Variants in ASH1L observed in about 807,000 individuals in gnomAD.
The protein encoded by ASH1L is histone-lysine N-methyltransferase ASH1L.
In ASH1L, 23 loss-of-function variants were observed where a neutral mutation model predicts 269.0. That is an observed-to-expected ratio of 0.09 (90% CI 0.06 to 0.12). The LOEUF (loss-of-function observed/expected upper bound fraction) is 0.12. Among genes scored for constraint, ASH1L ranks in the 10% least tolerant of loss-of-function variants. The pLI, the probability that ASH1L is intolerant of heterozygous loss-of-function variation, is 1.00. For missense variants in ASH1L, 2,912 were observed against 3,567.8 expected, an observed-to-expected ratio of 0.82 and a Z score of 4.68; for synonymous variants, 1,187 against 1,253.5, an observed-to-expected ratio of 0.95 and a Z score of 1.12.
At chr1:155,444,135 C>T (rs531534255) in intron 4 of ASH1L, among the ~76,000 whole-genome samples, 10 of 151,992 alleles carry the variant, frequency 6.6e-5, no homozygotes, top group Non-Finnish European at 1.5e-4. Flanking sequence ...AGGCACCTGC[C>T]ACCATGCCTG....
rs571212566 is a variant in ASH1L, at chr1:155,447,622, T to C, written c.5087-8554A>G. On this transcript the variant is annotated intron_variant, in intron 4 of 27. Transcript: ENST00000392403. ...TGATTTGCATTCCTCTGATAATCAATGATGTTGAATACCTATGCCTGTTGC... is the reference window on the plus strand; with the variant it reads ...TGATTTGCATTCCTCTGATAATCAACGATGTTGAATACCTATGCCTGTTGC... Among the ~76,000 whole-genome samples the C allele has an allele frequency of 1.5e-3, 231 of 152,372 alleles. 2 individuals carry two copies. The highest frequency in any genetic ancestry group is 2.2e-3 in the Non-Finnish European group (153 of 68,040).
intron 4 of ASH1L, among the ~76,000 whole-genome samples, chr1:155,456,836 CAT>C (rs1270507411): frequency 6.6e-6 from 1 of 152,164 alleles, no homozygotes; most frequent in East Asian, 1.9e-4. Context: ...TTAACATACA[CAT>C]ATGATAGACT....
intron 2 of ASH1L, among the ~76,000 whole-genome samples, chr1:155,499,929 A>G (rs1226847868): frequency 6.6e-6 from 1 of 152,190 alleles, no homozygotes; most frequent in Non-Finnish European, 1.5e-5. Flanking sequence ...AAACCACAAT[A>G]CAGACTCCAG....
chr1:155,460,021 G>A (rs559800106), intron 3 of ASH1L, 123 bp from the exon 4 acceptor site: 1 of 666,984 alleles, frequency 1.5e-6, no homozygotes, highest in South Asian at 2.0e-5. Flanking sequence ...GTAATAACAT[G>A]ACTTGTAACC....
Position 155,562,124 on chromosome 1 carries a change from C to T in ASH1L, c.-100+29G>A, listed in dbSNP as rs754884991. The T allele has an allele frequency of 9.8e-6, 14 of 1,428,228 alleles. No homozygotes were observed. The East Asian group carries it at 2.8e-4, about 28-fold the overall frequency. 88.5% of individuals were successfully genotyped at this position (1,428,228 alleles called of 1,614,324 possible). A position where few individuals can be genotyped will look rare whatever the true frequency, so the allele number is the denominator to read the frequency against. On this transcript the variant is annotated intron_variant, in intron 1 of 27. Transcript: ENST00000392403. ...CAATCGCTGAGAGAGTGCTTAGGCC[C>T]GAATGCCGGCCCAAATCGTTCTACT...
rs1033970237 is a variant in ASH1L at position 155,504,746 on chromosome 1, C to G, written c.420+16354G>C. On this transcript the variant is annotated intron_variant, in intron 2 of 27. Coordinates refer to ENST00000392403, the MANE Select transcript of ASH1L (RefSeq NM_018489.3). Reference sequence around the variant, plus strand: ...GCACACAACTGTAATCCCAGCTACTCGGGAGGCTGAGGCAGGATAATCTCT... The same window carrying G: ...GCACACAACTGTAATCCCAGCTACTGGGGAGGCTGAGGCAGGATAATCTCT... 7.3e-5 allele frequency among the ~76,000 whole-genome samples: 11 copies of G among 151,162 alleles called. No individual in the cohort carries two copies. In the South Asian group the frequency reaches 2.1e-3, roughly 29 times the overall value.
At chr1:155,404,088 C>T (rs369962586) in intron 6 of ASH1L, among the ~76,000 whole-genome samples, 10 of 150,682 alleles carry the variant, frequency 6.6e-5, no homozygotes, top group African/African-American at 2.2e-4. Context: ...GCAACCTGGG[C>T]ACGGTGGCTC....
intron 1 of ASH1L, among the ~76,000 whole-genome samples, chr1:155,547,126 T>C (rs949616193): frequency 1.3e-5 from 2 of 151,360 alleles, no homozygotes; most frequent in Non-Finnish European, 2.9e-5. Context: ...CTAATTTTTG[T>C]ATTTTTAGTA....
chr1:155,562,095 G>A (rs1199510881), intron 1 of ASH1L, 58 bp downstream of exon 1: 3 of 1,158,562 alleles, frequency 2.6e-6, no homozygotes, highest in Non-Finnish European at 2.5e-6. Context: ...GAAAGCCCAG[G>A]ATTCAATCGC....
intron 1 of ASH1L, among the ~76,000 whole-genome samples, chr1:155,547,615 C>T (rs1399947722): frequency 6.6e-6 from 1 of 151,760 alleles, no homozygotes; most frequent in African/African-American, 2.4e-5. Flanking sequence ...CCTGGCTACT[C>T]GGGAAGCTGA....
chr1:155,501,488 AT>A (rs1667497161), intron 2 of ASH1L, among the ~76,000 whole-genome samples: 1 of 152,056 alleles, frequency 6.6e-6, no homozygotes, highest in South Asian at 2.1e-4. Context: ...ATCGTACTCC[AT>A]CCCTCCAAGT....
chr1:155,526,246 C>T (rs1016000904), intron 1 of ASH1L, among the ~76,000 whole-genome samples: 3 of 152,128 alleles, frequency 2.0e-5, no homozygotes, highest in African/African-American at 7.2e-5. Context: ...TTTAAGGTTC[C>T]TGTAACTTCT....
intron 1 of ASH1L, among the ~76,000 whole-genome samples, chr1:155,552,914 G>A (rs1671313144): frequency 1.3e-5 from 2 of 152,086 alleles, no homozygotes; most frequent in South Asian, 4.1e-4. Context: ...TTATTTGCTT[G>A]CTGCATGGCA....
chr1:155,356,621 C>T (rs1397469070), intron 15 of ASH1L, among the ~76,000 whole-genome samples: 13 of 146,024 alleles, frequency 8.9e-5, no homozygotes, highest in African/African-American at 2.3e-4. Flanking sequence ...CCAGCCTGGG[C>T]GACACAGCGA....
chr1:155,481,233 G>A lies in ASH1L; in HGVS notation c.1637C>T (p.Pro546Leu). 1 of 1,614,070 alleles carries A rather than the reference G, an allele frequency of 6.2e-7. No individual in the cohort carries two copies. Among genetic ancestry groups the A allele is most frequent in the South Asian group, 1.1e-5 (1 of 91,074 alleles). ...ATTGCTTTCTCCTACTGCACTGAATGGGGATTTAGCGGTAGATACATCAGA... is the reference window on the plus strand; with the variant it reads ...ATTGCTTTCTCCTACTGCACTGAATAGGGATTTAGCGGTAGATACATCAGA... ...GASDVSTAKS[P>L]FSAVGESNLP... is the part of the protein sequence containing the mutation. The change falls in exon 3 of 28, where the codon CCA (proline) becomes CTA (leucine). Residue 546 changes from proline to leucine, a missense_variant. Physicochemically the swap from Pro to Leu is moderately conservative, Grantham distance 98 (BLOSUM62 -3). Coordinates refer to ENST00000392403, the MANE Select transcript of ASH1L (RefSeq NM_018489.3).
chr1:155,454,372 A>G (rs1663720757), intron 4 of ASH1L, among the ~76,000 whole-genome samples: 1 of 152,190 alleles, frequency 6.6e-6, no homozygotes, highest in Non-Finnish European at 1.5e-5. Context: ...TTACCTCTTC[A>G]GTCATGGCAT....
chr1:155,393,372 A>G (rs1658101857), intron 7 of ASH1L, among the ~76,000 whole-genome samples: 1 of 152,164 alleles, frequency 6.6e-6, no homozygotes. Context: ...CAGTCAAGAG[A>G]GTTAAGAGAA....
At chr1:155,391,143 G>C (rs2148474156) in intron 7 of ASH1L, among the ~76,000 whole-genome samples, 1 of 151,978 alleles carries the variant, frequency 6.6e-6, no homozygotes, top group Non-Finnish European at 1.5e-5. Flanking sequence ...ATGGGGTTTT[G>C]CCATGTTGGC....
chr1:155,490,412 G>C (rs1666682308), intron 2 of ASH1L, among the ~76,000 whole-genome samples: 1 of 150,706 alleles, frequency 6.6e-6, no homozygotes, highest in Non-Finnish European at 1.5e-5. Context: ...AGGAGTTCCA[G>C]ACCAGCTTGG....
Sources: gnomAD v4.1 joint callset for allele counts (sites outside exome capture counted in the v4.1 genomes callset) on GRCh38, gnomAD v4.1.1 for gene constraint, MANE v1.5 for transcripts, NCBI Gene and HGNC (gene_info 2026-07-23, HGNC 2026-07-21) for gene names.